ELAVL4: variants seen among roughly 807,000 people sequenced by gnomAD.
ELAVL4 encodes ELAV-like protein 4.
ELAVL4 carries 1 observed loss-of-function variant against 35.6 expected under a neutral mutation model. That is an observed-to-expected ratio of 0.03 (90% CI 0.01 to 0.13). The LOEUF (loss-of-function observed/expected upper bound fraction) is 0.13. ELAVL4 is among the 10% of genes least tolerant of loss of function. The pLI, the probability that ELAVL4 is intolerant of heterozygous loss-of-function variation, is 1.00. For missense variants in ELAVL4, 267 were observed against 464.9 expected (o/e 0.57, Z 3.91); for synonymous variants, 156 against 171.0 (o/e 0.91, Z 0.69).
intron 1 of ELAVL4, 78 bp downstream of exon 1, chr1:50,109,276 T>C: frequency 4.7e-6 from 7 of 1,481,016 alleles, no homozygotes; most frequent in African/African-American, 1.4e-5. Context: ...ACCAGTCTTA[T>C]GCTTGCACAA....
chr1:50,110,004 T>TGA (rs1491217612), intron 1 of ELAVL4: 1 of 635,674 alleles, frequency 1.6e-6, no homozygotes. Context: ...GTCCCAGCCC[T>TGA]GTGTGTGTGT....
intron 2 of ELAVL4, among the ~76,000 whole-genome samples, chr1:50,148,004 T>C (rs4412638): frequency 6.6e-6 from 1 of 152,026 alleles, no homozygotes; most frequent in East Asian, 1.9e-4. Flanking sequence ...TGAGAACAGA[T>C]AGAAGAAATT....
intron 2 of ELAVL4, among the ~76,000 whole-genome samples, chr1:50,170,435 T>A (rs1678795939): frequency 6.6e-6 from 1 of 152,104 alleles, no homozygotes; most frequent in Non-Finnish European, 1.5e-5. Flanking sequence ...GTGTGTAGTA[T>A]CCCCAGAAAC....
chr1:50,060,509 C>T (rs180921276), intron 1 of ELAVL4, among the ~76,000 whole-genome samples: 171 of 152,272 alleles, frequency 1.1e-3, no homozygotes, highest in African/African-American at 3.8e-3. Flanking sequence ...CACAACTTGG[C>T]TCAGGATCAA....
intron 1 of ELAVL4, among the ~76,000 whole-genome samples, chr1:50,076,500 T>C (rs1664772627): frequency 6.6e-6 from 1 of 152,180 alleles, no homozygotes; most frequent in Non-Finnish European, 1.5e-5. Context: ...AACACCATAG[T>C]ATATATTGTG....
intron 1 of ELAVL4, among the ~76,000 whole-genome samples, chr1:50,065,176 G>A (rs1164618930): frequency 6.6e-6 from 1 of 152,120 alleles, no homozygotes; most frequent in Non-Finnish European, 1.5e-5. Context: ...GGTGATGGTG[G>A]AAACTTAATG....
At chr1:50,154,476 C>A (rs1254237833) in intron 2 of ELAVL4, among the ~76,000 whole-genome samples, 1 of 152,172 alleles carries the variant, frequency 6.6e-6, no homozygotes, top group East Asian at 1.9e-4. Context: ...CTCATAAACA[C>A]AAAGTGGATA....
At chr1:50,077,812 C>G (rs1664831181) in intron 1 of ELAVL4, among the ~76,000 whole-genome samples, 1 of 152,138 alleles carries the variant, frequency 6.6e-6, no homozygotes, top group Non-Finnish European at 1.5e-5. Flanking sequence ...ATTATTTGGT[C>G]TTACTAGCAT....
intron 3 of ELAVL4, among the ~76,000 whole-genome samples, chr1:50,190,592 T>C (rs549864415): frequency 6.6e-6 from 1 of 152,284 alleles, no homozygotes; most frequent in African/African-American, 2.4e-5. Context: ...ACCTTTGGGA[T>C]TTGTTGCTGC....
At chr1:50,108,913 A>C, upstream of ELAVL4, 1 of 1,098,004 alleles carries the variant, frequency 9.1e-7, no homozygotes, top group South Asian at 3.9e-5. Flanking sequence ...TAAAAAGGGG[A>C]AGCTTCGAGC....
At chr1:50,109,339 TAG>T in intron 1 of ELAVL4, 141 bp downstream of exon 1, 1 of 862,332 alleles carries the variant, frequency 1.2e-6, no homozygotes, top group South Asian at 1.8e-5. Context: ...CTCTTTTGTG[TAG>T]AGAGTGCGGG....
intron 1 of ELAVL4, among the ~76,000 whole-genome samples, chr1:50,138,957 A>G (rs192754787): frequency 1.2e-4 from 19 of 152,326 alleles, no homozygotes; most frequent in Non-Finnish European, 2.2e-4. Context: ...TGAACTGTAT[A>G]CTTTAAAACT....
At chr1:50,049,136 T>C (rs1663225097) in intron 1 of ELAVL4, among the ~76,000 whole-genome samples, 1 of 152,198 alleles carries the variant, frequency 6.6e-6, no homozygotes, top group Non-Finnish European at 1.5e-5. Flanking sequence ...ATAATTTTCA[T>C]AAAATCTTCC....
At chr1:50,087,896 G>T (rs1407552406) in intron 1 of ELAVL4, among the ~76,000 whole-genome samples, 2 of 152,180 alleles carry the variant, frequency 1.3e-5, no homozygotes, top group African/African-American at 2.4e-5. Flanking sequence ...CATTTCTTTT[G>T]TTTAAACCAC....
intron 1 of ELAVL4, among the ~76,000 whole-genome samples, chr1:50,075,180 G>A (rs2148490700): frequency 1.3e-5 from 2 of 152,258 alleles, no homozygotes; most frequent in East Asian, 1.9e-4. Context: ...TTAAGACGAT[G>A]TAAGGCCACC....
chr1:50,091,317 C>T (rs577565188), intron 1 of ELAVL4, among the ~76,000 whole-genome samples: 1 of 152,256 alleles, frequency 6.6e-6, no homozygotes, highest in African/African-American at 2.4e-5. Context: ...CAGCGTCTTA[C>T]TAAAATGCTT....
intron 1 of ELAVL4, among the ~76,000 whole-genome samples, chr1:50,125,949 T>A (rs1669836109): frequency 6.6e-6 from 1 of 152,090 alleles, no homozygotes; most frequent in African/African-American, 2.4e-5. Context: ...TCTGTAAAAT[T>A]GGGCTAATAA....
At chr1:50,117,146 G>A (rs931127736) in intron 1 of ELAVL4, among the ~76,000 whole-genome samples, 1 of 152,016 alleles carries the variant, frequency 6.6e-6, no homozygotes, top group African/African-American at 2.4e-5. Flanking sequence ...GTGACTTTGG[G>A]GGAGGATAAC....
chr1:50,083,171 G>A (rs1409995265), intron 1 of ELAVL4, among the ~76,000 whole-genome samples: 1 of 152,004 alleles, frequency 6.6e-6, no homozygotes, highest in Non-Finnish European at 1.5e-5. Flanking sequence ...ATCTTCCCAC[G>A]TAATCCTCCT....
Sources: allele counts gnomAD v4.1 joint callset (sites outside exome capture counted in the v4.1 genomes callset), GRCh38; gene constraint gnomAD v4.1.1; transcripts MANE v1.5; gene names NCBI Gene and HGNC (gene_info 2026-07-23, HGNC 2026-07-21).